The following PIGN variants were observed in gnomAD, a reference collection of about 807,000 sequenced individuals.
The protein encoded by PIGN is GPI ethanolamine phosphate transferase 1.
In PIGN, 117 loss-of-function variants were observed where a neutral mutation model predicts 125.4. The ratio of observed to expected loss-of-function variants is 0.93; its 90% CI spans 0.80 to 1.09. The LOEUF (loss-of-function observed/expected upper bound fraction) is 1.09. Among genes scored for constraint, PIGN ranks in the 50% least tolerant of loss-of-function variants. The pLI is 0.00. For synonymous variants in PIGN, 392 were observed against 377.8 expected (o/e 1.04, Z -0.44); for missense variants, 1,075 against 1,094.9 (o/e 0.98, Z 0.26).
At chr18:62,145,625 CAAATTAAT>C (rs2036298885) in intron 10 of PIGN, among the ~76,000 whole-genome samples, 1 of 152,070 alleles carries the variant, frequency 6.6e-6, no homozygotes, top group Non-Finnish European at 1.5e-5. Context: ...ACCTCACATT[CAAATTAAT>C]AAATTAATAA....
intron 29 of PIGN, among the ~76,000 whole-genome samples, chr18:62,073,384 A>C (rs2032999697): frequency 6.6e-6 from 1 of 152,128 alleles, no homozygotes; most frequent in African/African-American, 2.4e-5. Flanking sequence ...TGGCAGAGGG[A>C]ATAGCCTATA....
At chr18:62,054,942 T>C (rs1490537045) in intron 30 of PIGN, among the ~76,000 whole-genome samples, 2 of 152,030 alleles carry the variant, frequency 1.3e-5, no homozygotes, top group African/African-American at 4.8e-5. Context: ...AATAAATAGA[T>C]GAAAAAGTGT....
At position 62,167,155 on chromosome 18, in the gene PIGN, C is replaced by T. The variant is rs180998116; in HGVS notation, c.-235-3499G>A. On this transcript the variant is annotated intron_variant, in intron 1 of 30. Coordinates refer to ENST00000640252, the MANE Select transcript of PIGN (RefSeq NM_176787.5). ...CACAGACTGACACCTCGTTCTCTCC[C>T]GTATGCCTTGTCTATTGACAGAGAG... Among the ~76,000 whole-genome samples the T allele has an allele frequency of 2.1e-4, 32 of 152,008 alleles. 1 individual carries two copies. Among genetic ancestry groups the T allele is most frequent in the African/African-American group, 7.5e-4 (31 of 41,476 alleles).
chr18:62,080,662 A>G (rs570949191), intron 28 of PIGN, among the ~76,000 whole-genome samples: 1 of 152,292 alleles, frequency 6.6e-6, no homozygotes, highest in East Asian at 1.9e-4. Flanking sequence ...TGGAGGCATG[A>G]TGAGAAAAAC....
intron 23 of PIGN, among the ~76,000 whole-genome samples, 190 bp downstream of exon 23, chr18:62,095,658 T>TA (rs946908573): frequency 8.5e-5 from 13 of 152,178 alleles, no homozygotes; most frequent in African/African-American, 3.1e-4. Context: ...GAAATGGATT[T>TA]AAAAAACAGA....
Position 62,041,702 on chromosome 18 carries a change from T to TA in PIGN, c.*4153_*4154insT, listed in dbSNP as rs1183624292. The TA allele has an allele frequency of 1.4e-5, 2 of 146,660 alleles. No homozygotes were observed. Among genetic ancestry groups the TA allele is most frequent in the East Asian group, 4.0e-4 (2 of 4,958 alleles). The allele number at this position is 146,660 out of a possible 1,614,324, so 9.1% of individuals were successfully genotyped here. A position where few individuals can be genotyped will look rare whatever the true frequency, so the allele number is the denominator to read the frequency against. Reference sequence around the variant, plus strand: ...GTGTGTGTGTGTGTGTGTGTGTGTGTGTGTTTAGTAGAGATGGGGTTTTGC... The same window carrying TA: ...GTGTGTGTGTGTGTGTGTGTGTGTGTAGTGTTTAGTAGAGATGGGGTTTTGC... On this transcript the variant is annotated 3_prime_UTR_variant, in exon 31 of 31. Transcript: ENST00000640252.
At chr18:62,146,565 C>G (rs1251902622) in intron 9 of PIGN, among the ~76,000 whole-genome samples, 1 of 152,190 alleles carries the variant, frequency 6.6e-6, no homozygotes, top group Non-Finnish European at 1.5e-5. Context: ...ATTTTGTTCT[C>G]TGTGCACACA....
At chr18:62,159,690 A>G (rs977905580) in intron 4 of PIGN, among the ~76,000 whole-genome samples, 1 of 152,224 alleles carries the variant, frequency 6.6e-6, no homozygotes, top group Non-Finnish European at 1.5e-5. Context: ...TCAACACAGC[A>G]TTAGAGTTCA....
At chr18:62,082,533 G>C (rs549335517) in intron 28 of PIGN, 140 bp downstream of exon 28, 7 of 496,810 alleles carry the variant, frequency 1.4e-5, no homozygotes, top group South Asian at 3.8e-5. Context: ...CTGACTAAAC[G>C]GGTGAAAATT....
Position 62,152,653 on chromosome 18 carries a change from A to C in PIGN, c.549+1892T>G, listed in dbSNP as rs2036577949. Among the ~76,000 whole-genome samples, 2 of 152,282 alleles carry C rather than the reference A, an allele frequency of 1.3e-5. 1 individual carries two copies. The highest frequency in any genetic ancestry group is 4.8e-5 in the African/African-American group (2 of 41,552). ...GTGAAATAAGTGAGATAATAATTAC[A>C]ATCTCATGTAATTTTTGAATACTAT... On this transcript the variant is annotated intron_variant, in intron 7 of 30. Transcript: ENST00000640252.
At chr18:62,090,862 G>GA (rs1215478690) in intron 23 of PIGN, among the ~76,000 whole-genome samples, 2 of 151,984 alleles carry the variant, frequency 1.3e-5, no homozygotes, top group African/African-American at 4.8e-5. Context: ...AAAAGAGAAA[G>GA]AAGGCATGAA....
chr18:62,084,737 G>A (rs1599480412), intron 26 of PIGN, 131 bp from the exon 27 acceptor site: 1 of 682,872 alleles, frequency 1.5e-6, no homozygotes. Context: ...ATCATATTAT[G>A]AAGCCACTAA....
intron 17 of PIGN, among the ~76,000 whole-genome samples, chr18:62,108,493 A>G (rs531585834): frequency 6.6e-6 from 1 of 152,254 alleles, no homozygotes; most frequent in East Asian, 1.9e-4. Flanking sequence ...TATTCCTTTC[A>G]AATGGAGAGG....
intron 1 of PIGN, among the ~76,000 whole-genome samples, chr18:62,170,375 G>GTT (rs1555699462): frequency 6.6e-6 from 1 of 151,804 alleles, no homozygotes; most frequent in Non-Finnish European, 1.5e-5. Flanking sequence ...CTCACTTCAT[G>GTT]TCTGTGTCAT....
chr18:62,083,742 TA>T (rs2033559431), intron 27 of PIGN, among the ~76,000 whole-genome samples: 1 of 152,168 alleles, frequency 6.6e-6, no homozygotes, highest in Non-Finnish European at 1.5e-5. Context: ...CAACATGTTT[TA>T]AAATAACTCA....
intron 30 of PIGN, among the ~76,000 whole-genome samples, chr18:62,064,043 G>A (rs367686105): frequency 2.0e-5 from 3 of 152,020 alleles, no homozygotes; most frequent in African/African-American, 4.8e-5. Context: ...AAATCTGCAC[G>A]TTGTGCACAT....
chr18:62,021,231 G>A (rs528862641), intron 23 of PIGN, among the ~76,000 whole-genome samples: 5 of 152,110 alleles, frequency 3.3e-5, no homozygotes, highest in Non-Finnish European at 7.3e-5. Flanking sequence ...ATTAAAAACC[G>A]CCAAACAGAG....
At chr18:62,114,725 T>C (rs532574521) in intron 14 of PIGN, 86 bp from the exon 15 acceptor site, 71 of 582,730 alleles carry the variant, frequency 1.2e-4, no homozygotes, top group South Asian at 2.2e-4. Context: ...AAAACAAAGA[T>C]AGTGAAAATT....
At chr18:62,170,424 A>G (rs1362661845) in intron 1 of PIGN, among the ~76,000 whole-genome samples, 1 of 152,046 alleles carries the variant, frequency 6.6e-6, no homozygotes, top group Non-Finnish European at 1.5e-5. Context: ...CTTTTTCATT[A>G]CTATTGTCAG....
Sources: allele counts gnomAD v4.1 joint callset (sites outside exome capture counted in the v4.1 genomes callset), GRCh38; gene constraint gnomAD v4.1.1; transcripts MANE v1.5; gene names NCBI Gene and HGNC (gene_info 2026-07-23, HGNC 2026-07-21).